ASTN2: variants seen among roughly 807,000 people sequenced by gnomAD.
ASTN2 encodes the protein astrotactin-2.
ASTN2 carries 54 observed loss-of-function variants against 139.8 expected under a neutral mutation model. That is an observed-to-expected ratio of 0.39 (90% CI 0.31 to 0.48). The LOEUF (loss-of-function observed/expected upper bound fraction) is 0.48, where lower values mean the gene tolerates loss of function less well. Among genes scored for constraint, ASTN2 ranks in the 20% least tolerant of loss-of-function variants. The pLI is 0.95. For synonymous variants in ASTN2, 756 were observed against 719.5 expected (o/e 1.05, Z -0.81); for missense variants, 1,565 against 1,725.1 (o/e 0.91, Z 1.64).
intron 19 of ASTN2, among the ~76,000 whole-genome samples, chr9:116,519,503 C>A (rs1257570628): frequency 2.0e-5 from 3 of 151,902 alleles, no homozygotes; most frequent in Non-Finnish European, 2.9e-5. Context: ...TGGGATACAG[C>A]AAAAGTGGTG....
intron 13 of ASTN2, among the ~76,000 whole-genome samples, chr9:116,769,331 T>C (rs555938714): frequency 2.0e-4 from 31 of 152,284 alleles, no homozygotes; most frequent in African/African-American, 7.0e-4. Context: ...GGAGAAGCAG[T>C]GACTGTGAGT....
intron 19 of ASTN2, among the ~76,000 whole-genome samples, chr9:116,498,318 C>A (rs945982769): frequency 6.6e-6 from 1 of 152,140 alleles, no homozygotes; most frequent in African/African-American, 2.4e-5. Context: ...CAGTGAGTGT[C>A]CCATGCCTGT....
chr9:116,754,177 A>T (rs1278899534), intron 13 of ASTN2, among the ~76,000 whole-genome samples: 1 of 152,168 alleles, frequency 6.6e-6, no homozygotes, highest in Non-Finnish European at 1.5e-5. Flanking sequence ...TCCATGGTGT[A>T]TATGTGCCAC....
At chr9:116,634,538 C>T (rs964207474) in intron 17 of ASTN2, among the ~76,000 whole-genome samples, 2 of 140,924 alleles carry the variant, frequency 1.4e-5, no homozygotes, top group Admixed American at 7.7e-5. Context: ...TGCAGTGAGC[C>T]GAGATCGCGC....
At chr9:116,978,470 ATCTCTCTC>A (rs147901303) in intron 7 of ASTN2, among the ~76,000 whole-genome samples, 6 of 141,778 alleles carry the variant, frequency 4.2e-5, no homozygotes, top group African/African-American at 1.1e-4. Context: ...CTCTGTATGT[ATCTCTCTC>A]TCTCTCTCTC....
intron 1 of ASTN2, among the ~76,000 whole-genome samples, chr9:117,336,355 G>A (rs1263110930): frequency 6.6e-6 from 1 of 152,082 alleles, no homozygotes; most frequent in African/African-American, 2.4e-5. Context: ...ATTCAGCTAG[G>A]GAGATCTCAG....
At position 116,425,721 on chromosome 9, in the gene ASTN2, T is replaced by C. The variant is rs1847284241; in HGVS notation, c.*130A>G. On this transcript the variant is annotated 3_prime_UTR_variant, in exon 23 of 23. Coordinates refer to ENST00000313400, the MANE Select transcript of ASTN2 (RefSeq NM_001365068.1). ...ACAGGAGAAACCGTTTGCTTTGGCCTTGCTGGCAAGCTTCATCTGCTAGGC... is the reference window on the plus strand; with the variant it reads ...ACAGGAGAAACCGTTTGCTTTGGCCCTGCTGGCAAGCTTCATCTGCTAGGC... 1 of 1,606,396 alleles carries C rather than the reference T, an allele frequency of 6.2e-7. No individual in the cohort carries two copies. The highest frequency in any genetic ancestry group is 8.5e-7 in the Non-Finnish European group (1 of 1,176,718).
intron 1 of ASTN2, among the ~76,000 whole-genome samples, chr9:117,355,695 G>A (rs1156512022): frequency 6.6e-6 from 1 of 152,190 alleles, no homozygotes; most frequent in Non-Finnish European, 1.5e-5. Flanking sequence ...GGATTCATCT[G>A]CTGAAAGAGA....
intron 13 of ASTN2, among the ~76,000 whole-genome samples, chr9:116,749,360 G>T (rs1021197145): frequency 6.6e-6 from 1 of 152,108 alleles, no homozygotes; most frequent in African/African-American, 2.4e-5. Context: ...TGCACAATTT[G>T]TCCAAGCCAC....
chr9:116,700,926 T>C (rs1189457429), intron 16 of ASTN2: 2 of 167,030 alleles, frequency 1.2e-5, no homozygotes, highest in Non-Finnish European at 2.9e-5. Context: ...TCCAAATCTT[T>C]CTCCCAAATA....
intron 4 of ASTN2, among the ~76,000 whole-genome samples, chr9:117,110,860 T>C (rs1829231606): frequency 6.6e-6 from 1 of 151,970 alleles, no homozygotes; most frequent in Non-Finnish European, 1.5e-5. Flanking sequence ...AGTGGATGGA[T>C]CCCAGATCAA....
At chr9:117,119,013 A>T (rs1829475147) in intron 4 of ASTN2, among the ~76,000 whole-genome samples, 1 of 152,224 alleles carries the variant, frequency 6.6e-6, no homozygotes, top group African/African-American at 2.4e-5. Context: ...AGAAGAATAG[A>T]ACCTGCAGGA....
chr9:116,780,468 C>G (rs1830189302), intron 13 of ASTN2, among the ~76,000 whole-genome samples: 1 of 152,150 alleles, frequency 6.6e-6, no homozygotes, highest in South Asian at 2.1e-4. Context: ...TTAGGATTAG[C>G]ATTTCTGGGG....
intron 19 of ASTN2, chr9:116,504,140 G>A (rs1850004994): frequency 1.3e-5 from 2 of 152,122 alleles, no homozygotes; most frequent in Non-Finnish European, 2.9e-5. Context: ...AAAAACAATA[G>A]AAAAATAAAA....
At chr9:116,938,208 A>T (rs553961719) in intron 10 of ASTN2, among the ~76,000 whole-genome samples, 1 of 152,216 alleles carries the variant, frequency 6.6e-6, no homozygotes, top group East Asian at 1.9e-4. Context: ...ATTTGCAATC[A>T]TTTTTATGCA....
chr9:116,697,906 G>A, intron 16 of ASTN2: 1 of 1,614,242 alleles, frequency 6.2e-7, no homozygotes, highest in Non-Finnish European at 8.5e-7. Flanking sequence ...TTGGCCAGTA[G>A]CATCAATGGT....
In ASTN2 at chr9:117,401,980, G is replaced by A. The variant is rs577267952; in HGVS notation, c.442+12517C>T. ...AGAAGGGAGAGGCAGCAGGAAGACC[G>A]GTTAGGAGGCTGATATGGGAAAGGA... is the stretch of plus-strand genomic sequence containing the variant. On this transcript the variant is annotated intron_variant, in intron 1 of 22. Transcript: ENST00000313400. Among the ~76,000 whole-genome samples the A allele has an allele frequency of 6.8e-4, 103 of 152,312 alleles. No individual in the cohort carries two copies. The South Asian group carries it at 7.7e-3, about 11-fold the overall frequency.
At chr9:116,785,525 C>T (rs540708841) in intron 13 of ASTN2, among the ~76,000 whole-genome samples, 15 of 152,324 alleles carry the variant, frequency 9.8e-5, no homozygotes, top group African/African-American at 2.2e-4. Context: ...CAATGTTTCA[C>T]AATCAAGTTC....
chr9:117,113,200 A>G (rs913172272), intron 4 of ASTN2, among the ~76,000 whole-genome samples: 2 of 152,230 alleles, frequency 1.3e-5, no homozygotes, highest in Non-Finnish European at 2.9e-5. Flanking sequence ...TAATTCTACA[A>G]CAACCAAATA....
Sources: allele counts gnomAD v4.1 joint callset (sites outside exome capture counted in the v4.1 genomes callset), GRCh38; gene constraint gnomAD v4.1.1; transcripts MANE v1.5; gene names NCBI Gene and HGNC (gene_info 2026-07-23, HGNC 2026-07-21).